The following ARB2A variants were observed in gnomAD, a reference collection of about 807,000 sequenced individuals.
ARB2A encodes the protein ARB2 cotranscriptional regulator A, also known as cotranscriptional regulator ARB2A.
the ARB2A span, among the ~76,000 whole-genome samples, chr5:94,100,332 A>C: frequency 6.6e-6 from 1 of 152,248 alleles, no homozygotes; most frequent in Non-Finnish European, 1.5e-5. Context: ...GTGGAAAGGA[A>C]GAATCAACAT....
At chr5:94,017,127 G>A in the ARB2A span, among the ~76,000 whole-genome samples, 2 of 152,182 alleles carry the variant, frequency 1.3e-5, no homozygotes, top group African/African-American at 4.8e-5. Flanking sequence ...TAGGACAGAT[G>A]AACCAGGACA....
chr5:93,741,241 C>T, the ARB2A span: 3 of 1,613,938 alleles, frequency 1.9e-6, no homozygotes, highest in Non-Finnish European at 1.7e-6. Context: ...CGGAATGCTC[C>T]GCAGGGCAAT....
the ARB2A span, chr5:94,055,855 T>A: frequency 1.0e-6 from 1 of 985,468 alleles, no homozygotes; most frequent in Non-Finnish European, 1.2e-6. Flanking sequence ...TGTCCATACA[T>A]AAGCAGATCT....
chr5:93,836,570 G>C, the ARB2A span, among the ~76,000 whole-genome samples: 1 of 152,094 alleles, frequency 6.6e-6, no homozygotes, highest in Non-Finnish European at 1.5e-5. Context: ...ATTTTACCTT[G>C]TCACATGAGA....
At chr5:93,876,690 G>C in the ARB2A span, among the ~76,000 whole-genome samples, 1 of 151,322 alleles carries the variant, frequency 6.6e-6, no homozygotes, top group African/African-American at 2.4e-5. Context: ...AATATACTTG[G>C]AAAATAAAAT....
chr5:94,030,726 T>C, the ARB2A span, among the ~76,000 whole-genome samples: 22 of 152,236 alleles, frequency 1.4e-4, no homozygotes, highest in Non-Finnish European at 2.9e-5. Context: ...GTGGAGCCTT[T>C]AAGAGGAGAT....
At chr5:93,752,706 C>T in the ARB2A span, among the ~76,000 whole-genome samples, 1 of 152,000 alleles carries the variant, frequency 6.6e-6, no homozygotes, top group Admixed American at 6.6e-5. Context: ...TACTAGTGAT[C>T]TATATAAATG....
the ARB2A span, among the ~76,000 whole-genome samples, chr5:93,949,936 G>T: frequency 6.6e-6 from 1 of 152,168 alleles, no homozygotes. Context: ...ATTTGAATTT[G>T]TTCTCAAATA....
the ARB2A span, among the ~76,000 whole-genome samples, chr5:93,763,789 C>G: frequency 6.6e-6 from 1 of 151,960 alleles, no homozygotes; most frequent in Admixed American, 6.6e-5. Flanking sequence ...ATTCACCACA[C>G]AGTTGGAAGT....
chr5:94,078,553 G>A, the ARB2A span, among the ~76,000 whole-genome samples: 1 of 152,158 alleles, frequency 6.6e-6, no homozygotes, highest in Non-Finnish European at 1.5e-5. Flanking sequence ...ATCAGGCTGA[G>A]CAGACACGAG....
the ARB2A span, among the ~76,000 whole-genome samples, chr5:94,022,073 A>C: frequency 6.6e-6 from 1 of 152,166 alleles, no homozygotes; most frequent in Non-Finnish European, 1.5e-5. Context: ...TGTCGCAAAT[A>C]ATAATAACAA....
the ARB2A span, among the ~76,000 whole-genome samples, chr5:93,790,501 C>T: frequency 6.6e-6 from 1 of 152,154 alleles, no homozygotes; most frequent in Non-Finnish European, 1.5e-5. Flanking sequence ...CTAAGAAGTA[C>T]TAAGATCTGA....
the ARB2A span, among the ~76,000 whole-genome samples, chr5:93,878,374 T>C: frequency 1.3e-4 from 20 of 152,162 alleles, 1 homozygote; most frequent in African/African-American, 4.8e-4. Context: ...GTACATGCCC[T>C]CATGAAGCTT....
chr5:93,934,874 T>TA, the ARB2A span, among the ~76,000 whole-genome samples: 2 of 152,008 alleles, frequency 1.3e-5, no homozygotes, highest in Admixed American at 1.3e-4. Flanking sequence ...CCTTACTGTA[T>TA]AAAAAAACTG....
chr5:93,851,905 A>G, the ARB2A span, among the ~76,000 whole-genome samples: 1 of 152,220 alleles, frequency 6.6e-6, no homozygotes, highest in African/African-American at 2.4e-5. Context: ...ATAGTGCCGC[A>G]ATAAACATAC....
chr5:93,946,373 A>G, the ARB2A span, among the ~76,000 whole-genome samples: 1 of 152,196 alleles, frequency 6.6e-6, no homozygotes. Context: ...AGATTATCTG[A>G]TAAGTTAAAT....
At chr5:93,620,753 G>T in the ARB2A span, 4 of 428,246 alleles carry the variant, frequency 9.3e-6, no homozygotes, top group Non-Finnish European at 1.2e-5. Flanking sequence ...GCGCTGACTG[G>T]CAGCGCTCAG....
At chr5:94,065,360 A>G in the ARB2A span, among the ~76,000 whole-genome samples, 1 of 152,192 alleles carries the variant, frequency 6.6e-6, no homozygotes, top group Non-Finnish European at 1.5e-5. Flanking sequence ...CAAAAAATAT[A>G]CAAATTAGTC....
chr5:93,721,090 A>G, the ARB2A span, among the ~76,000 whole-genome samples: 5 of 152,224 alleles, frequency 3.3e-5, no homozygotes, highest in Non-Finnish European at 7.3e-5. Context: ...TTAAGGAAAC[A>G]GGCTAATTCT....
Sources: gnomAD v4.1 joint callset for allele counts (sites outside exome capture counted in the v4.1 genomes callset) on GRCh38, gnomAD v4.1.1 for gene constraint, MANE v1.5 for transcripts, NCBI Gene and HGNC (gene_info 2026-07-23, HGNC 2026-07-21) for gene names.